SOX6: variants seen among roughly 807,000 people sequenced by gnomAD.
The protein encoded by SOX6 is transcription factor SOX-6.
SOX6 carries 11 observed loss-of-function variants against 97.8 expected under a neutral mutation model. The ratio of observed to expected loss-of-function variants is 0.11; its 90% CI spans 0.07 to 0.19. The LOEUF is 0.19. SOX6 is among the 10% of genes least tolerant of loss of function. SOX6 has a pLI of 1.00. For missense variants in SOX6, 810 were observed against 1,039.5 expected, an observed-to-expected ratio of 0.78 and a Z score of 3.04; for synonymous variants, 360 against 371.4, an observed-to-expected ratio of 0.97 and a Z score of 0.35.
intron 1 of SOX6, among the ~76,000 whole-genome samples, chr11:16,450,487 T>G (rs1859696362): frequency 6.6e-6 from 1 of 152,222 alleles, no homozygotes; most frequent in Non-Finnish European, 1.5e-5. Context: ...TATAAGTGAT[T>G]TGGATGCTGC....
At chr11:16,489,828 C>T (rs1389403529) in intron 4 of SOX6, among the ~76,000 whole-genome samples, 1 of 152,036 alleles carries the variant, frequency 6.6e-6, no homozygotes, top group African/African-American at 2.4e-5. Context: ...AGAAGGCAGT[C>T]TAGTATACTG....
intron 4 of SOX6, among the ~76,000 whole-genome samples, chr11:16,603,756 AC>A (rs1296294511): frequency 6.6e-6 from 1 of 152,122 alleles, no homozygotes; most frequent in Non-Finnish European, 1.5e-5. Flanking sequence ...GGTGTCCAGT[AC>A]CCCTCTTACC....
At chr11:16,552,648 T>G (rs72859418) in intron 4 of SOX6, among the ~76,000 whole-genome samples, 16,021 of 152,212 alleles carry the variant, frequency 0.11, 913 homozygotes, top group Non-Finnish European at 0.14. Flanking sequence ...TACTTTAAAT[T>G]GCCTAATCCT....
intron 3 of SOX6, among the ~76,000 whole-genome samples, chr11:16,236,442 T>C (rs1853025241): frequency 1.3e-5 from 2 of 152,014 alleles, no homozygotes; most frequent in African/African-American, 2.4e-5. Context: ...CTGAAAGAGA[T>C]TGATATAACG....
chr11:16,712,989 T>C (rs1848192806), intron 3 of SOX6, among the ~76,000 whole-genome samples: 2 of 152,178 alleles, frequency 1.3e-5, no homozygotes, highest in Non-Finnish European at 2.9e-5. Context: ...TAAAGGATCT[T>C]AGAAATCATC....
intron 3 of SOX6, among the ~76,000 whole-genome samples, chr11:16,255,505 A>AT (rs1853655503): frequency 6.6e-6 from 1 of 152,102 alleles, no homozygotes; most frequent in African/African-American, 2.4e-5. Flanking sequence ...TAAATAACAC[A>AT]TGTGTTAATG....
chr11:16,236,224 T>C (rs546934590), intron 3 of SOX6, among the ~76,000 whole-genome samples: 2 of 152,190 alleles, frequency 1.3e-5, no homozygotes, highest in South Asian at 4.1e-4. Flanking sequence ...TACATGCAGA[T>C]GCATATGTTC....
At chr11:16,045,090 C>T (rs773065595) in intron 12 of SOX6, among the ~76,000 whole-genome samples, 1 of 152,044 alleles carries the variant, frequency 6.6e-6, no homozygotes, top group Admixed American at 6.6e-5. Context: ...TTTTCCCTCC[C>T]AAATGAATTT....
chr11:16,731,298 G>T (rs1341980009), intron 2 of SOX6, among the ~76,000 whole-genome samples: 3 of 152,064 alleles, frequency 2.0e-5, no homozygotes, highest in African/African-American at 7.2e-5. Context: ...ACAAAAAAAA[G>T]AAATTTTCAG....
At chr11:16,491,524 C>T (rs531609549) in intron 4 of SOX6, among the ~76,000 whole-genome samples, 175 of 151,408 alleles carry the variant, frequency 1.2e-3, no homozygotes, top group African/African-American at 4.0e-3. Context: ...GTGTGGTGTG[C>T]GTGTGTCTGT....
intron 12 of SOX6, among the ~76,000 whole-genome samples, chr11:16,041,087 C>T (rs1202228573): frequency 2.0e-5 from 3 of 152,048 alleles, no homozygotes; most frequent in Non-Finnish European, 4.4e-5. Context: ...AAAAGCAACA[C>T]AAACATGTTA....
At position 16,616,277 on chromosome 11, in the gene SOX6, T is replaced by C. The variant is rs188853574; in HGVS notation, n.430-4017A>G. ...AACACAAAAGTAATGCTGTAAAACT[T>C]CCCACCAATAAATATGAAACAATAA... is the stretch of plus-strand genomic sequence containing the variant. On this transcript the variant is annotated intron_variant and non_coding_transcript_variant, in intron 3 of 5. Coordinates refer to the SOX6 transcript ENST00000524520. 4.1e-4 allele frequency among the ~76,000 whole-genome samples: 63 copies of C among 152,194 alleles called. 1 individual carries two copies. The highest frequency in any genetic ancestry group is 3.0e-3 in the Admixed American group (46 of 15,296).
At chr11:16,686,903 C>T (rs1347657583) in intron 3 of SOX6, among the ~76,000 whole-genome samples, 1 of 152,064 alleles carries the variant, frequency 6.6e-6, no homozygotes, top group Non-Finnish European at 1.5e-5. Context: ...GCAGAGGTTA[C>T]AGTGAGCCAA....
chr11:16,386,206 A>C (rs1367195237), intron 1 of SOX6, among the ~76,000 whole-genome samples: 1 of 152,120 alleles, frequency 6.6e-6, no homozygotes, highest in Non-Finnish European at 1.5e-5. Context: ...AAAGTGGGAT[A>C]ATAATGAGAA....
In SOX6 at chr11:16,610,908, G is replaced by A. The variant is rs983232543; in HGVS notation, n.609+1173C>T. On this transcript the variant is annotated intron_variant and non_coding_transcript_variant, in intron 4 of 5. Transcript: ENST00000524520. This position sits in a 1 kb window ranked among gnomAD's most constrained non-coding sequence, Gnocchi z 4.4. ...GGAGGAGCAGAGGGCACCCAGGCAC[G>A]GTGGCCAGATCCAGGAACTCATAAG... Among the ~76,000 whole-genome samples, 9 of 152,224 alleles carry A rather than the reference G, an allele frequency of 5.9e-5. No individual in the cohort carries two copies. Among genetic ancestry groups the A allele is most frequent in the African/African-American group, 2.2e-4 (9 of 41,468 alleles).
intron 2 of SOX6, among the ~76,000 whole-genome samples, chr11:16,327,339 C>T (rs1856132204): frequency 1.3e-5 from 2 of 151,938 alleles, no homozygotes; most frequent in South Asian, 4.1e-4. Flanking sequence ...GTCCTTTGTC[C>T]AATTGCCCTT....
At chr11:16,268,959 C>T (rs548219850) in intron 3 of SOX6, among the ~76,000 whole-genome samples, 2 of 149,986 alleles carry the variant, frequency 1.3e-5, no homozygotes, top group South Asian at 2.1e-4. Context: ...CATGCTTTTC[C>T]TTTATTATCT....
At chr11:16,635,806 G>T (rs1410540267) in intron 3 of SOX6, among the ~76,000 whole-genome samples, 1 of 152,170 alleles carries the variant, frequency 6.6e-6, no homozygotes, top group Non-Finnish European at 1.5e-5. Context: ...TGGCTAAAAG[G>T]AGTTCAGGCC....
intron 4 of SOX6, among the ~76,000 whole-genome samples, chr11:16,485,378 G>A (rs1860411639): frequency 6.6e-6 from 1 of 152,098 alleles, no homozygotes; most frequent in South Asian, 2.1e-4. Context: ...TTAAGGTGAG[G>A]AGTTCAAAAC....
Sources: allele counts gnomAD v4.1 joint callset (sites outside exome capture counted in the v4.1 genomes callset), GRCh38; gene constraint gnomAD v4.1.1; non-coding constraint Gnocchi (gnomAD v3.1); transcripts MANE v1.5; gene names NCBI Gene and HGNC (gene_info 2026-07-23, HGNC 2026-07-21).